The following TMEM254 variants were observed in gnomAD, a reference collection of about 807,000 sequenced individuals.
TMEM254 encodes the protein transmembrane protein 254, also known as transmembrane protein C10orf57.
Under a neutral mutation model 13.9 loss-of-function variants are expected in TMEM254, and 16 were observed. That is an observed-to-expected ratio of 1.15 (90% CI 0.78 to 1.75). The LOEUF (loss-of-function observed/expected upper bound fraction) is 1.75, where lower values mean the gene tolerates loss of function less well. Ranked by LOEUF, TMEM254 falls within the 40% of genes most tolerant of loss-of-function variation. The pLI is 0.00. For missense variants in TMEM254, 155 were observed against 149.0 expected, an observed-to-expected ratio of 1.04 and a Z score of -0.21; for synonymous variants, 61 against 56.4, an observed-to-expected ratio of 1.08 and a Z score of -0.36.
At chr10:80,079,084 G>C (rs1456528105) in intron 1 of TMEM254, 2 of 1,422,318 alleles carry the variant, frequency 1.4e-6, no homozygotes, top group Non-Finnish European at 9.4e-7. Context: ...TTTTTCAAGA[G>C]GATGGTGAAG....
At chr10:80,086,016 CAA>C (rs1844295915) in intron 3 of TMEM254, among the ~76,000 whole-genome samples, 1 of 152,020 alleles carries the variant, frequency 6.6e-6, no homozygotes. Flanking sequence ...AAGTTCTTGA[CAA>C]GTAGAAGTAC....
intron 3 of TMEM254, among the ~76,000 whole-genome samples, chr10:80,085,367 G>T (rs1844261710): frequency 1.3e-5 from 2 of 151,642 alleles, no homozygotes; most frequent in Admixed American, 6.6e-5. Context: ...CGAGACCAGC[G>T]TGCCCAACAT....
rs999406637 is a variant in TMEM254 at position 80,091,728 on chromosome 10, C to T, written c.*811C>T. ...TGTCCCACTATCTTGCACACAGGTG[C>T]TCTAACCATGTTTATTGAACAAAGG... is the stretch of plus-strand genomic sequence containing the variant. On this transcript the variant is annotated 3_prime_UTR_variant, in exon 4 of 4. Coordinates refer to ENST00000372281, the MANE Select transcript of TMEM254 (RefSeq NM_025125.4). The T allele has an allele frequency of 6.6e-6, 1 of 152,216 alleles. No homozygotes were observed. The highest frequency in any genetic ancestry group is 1.5e-5 in the Non-Finnish European group (1 of 68,036). The allele number at this position is 152,216 out of a possible 1,614,324, so 9.4% of individuals were successfully genotyped here.
intron 1 of TMEM254, chr10:80,079,194 G>T (rs1391965305): frequency 1.5e-6 from 2 of 1,292,674 alleles, no homozygotes; most frequent in Non-Finnish European, 2.0e-6. Flanking sequence ...GGTGAGGCGT[G>T]GGGTGGGGCG....
In TMEM254 at chr10:80,091,232, C is replaced by T. The variant is rs757517919; in HGVS notation, c.*315C>T. On this transcript the variant is annotated 3_prime_UTR_variant, in exon 4 of 4. Coordinates refer to ENST00000372281, the MANE Select transcript of TMEM254 (RefSeq NM_025125.4). ...CGTGTGCTCTGAGCTAAGCCACATA[C>T]TAAACTGACTTTTTGGTTTGTATAC... 2 of 193,632 alleles carry T rather than the reference C, an allele frequency of 1.0e-5. No homozygotes were observed. The highest frequency in any genetic ancestry group is 1.0e-5 in the Non-Finnish European group (1 of 95,818). The allele number at this position is 193,632 out of a possible 1,614,324, so 12.0% of individuals were successfully genotyped here. A position where few individuals can be genotyped will look rare whatever the true frequency, so the allele number is the denominator to read the frequency against.
chr10:80,081,059 G>A (rs1045736955), intron 1 of TMEM254, among the ~76,000 whole-genome samples: 4 of 151,814 alleles, frequency 2.6e-5, no homozygotes, highest in Admixed American at 6.6e-5. Flanking sequence ...CAGCCTAAGC[G>A]ACAGAGTGAA....
At chr10:80,084,961 G>T (rs1295372858) in intron 3 of TMEM254, among the ~76,000 whole-genome samples, 3 of 152,048 alleles carry the variant, frequency 2.0e-5, no homozygotes, top group African/African-American at 7.2e-5. Flanking sequence ...AAGTAGCTGA[G>T]ATTACAGGCG....
intron 1 of TMEM254, among the ~76,000 whole-genome samples, chr10:80,080,549 G>A (rs573379566): frequency 8.5e-5 from 13 of 152,298 alleles, no homozygotes; most frequent in African/African-American, 2.6e-4. Context: ...CAGAGGTTTG[G>A]CTGGAGCCAG....
In TMEM254 at chr10:80,090,892, A is replaced by C. The variant is rs751155205; in HGVS notation, c.347A>C (p.Lys116Thr). ...TCTCTCACCATCTTGATTGCTTACA[A>C]ACGGAAGCGCCAAAAACAAACTTGA... ...IASLTILIAY[K>T]RKRQKQT is the part of the protein sequence containing the mutation. The change falls in exon 4 of 4, where the codon AAA becomes ACA. Residue 116 changes from lysine (K) to threonine (T), a missense_variant. Coordinates refer to ENST00000372281, the MANE Select transcript of TMEM254 (RefSeq NM_025125.4). The C allele has an allele frequency of 9.9e-6, 16 of 1,613,998 alleles. No homozygotes were observed. Among genetic ancestry groups the C allele is most frequent in the Non-Finnish European group, 1.4e-5 (16 of 1,179,944 alleles).
intron 1 of TMEM254, among the ~76,000 whole-genome samples, chr10:80,080,899 G>T (rs1190961925): frequency 6.6e-6 from 1 of 152,122 alleles, no homozygotes. Context: ...GGCCAACATG[G>T]TGAAACTCTG....
rs950509847 is a variant in TMEM254 at position 80,091,035 on chromosome 10, A to G, written c.*118A>G. The G allele has an allele frequency of 1.5e-6, 2 of 1,341,666 alleles. No individual in the cohort carries two copies. Among genetic ancestry groups the G allele is most frequent in the African/African-American group, 1.5e-5 (1 of 67,952 alleles). 83.1% of individuals were successfully genotyped at this position (1,341,666 alleles called of 1,614,324 possible). ...TCTACTTTCTAGAAACTGTCCTTCAAAGCTCTTTAAGACCCCCTCGTTAGT... is the reference window on the plus strand; with the variant it reads ...TCTACTTTCTAGAAACTGTCCTTCAGAGCTCTTTAAGACCCCCTCGTTAGT... On this transcript the variant is annotated 3_prime_UTR_variant, in exon 4 of 4. Coordinates refer to ENST00000372281, the MANE Select transcript of TMEM254 (RefSeq NM_025125.4).
chr10:80,090,973 G>A lies in TMEM254; in HGVS notation c.*56G>A, dbSNP rs1002521404. On this transcript the variant is annotated 3_prime_UTR_variant, in exon 4 of 4. Coordinates refer to ENST00000372281, the MANE Select transcript of TMEM254 (RefSeq NM_025125.4). ...CATTCATCCTCACCCTTTTTTTTGTGGGGTAGAGGAGGTGCAGTAATTTAC... is the reference window on the plus strand; with the variant it reads ...CATTCATCCTCACCCTTTTTTTTGTAGGGTAGAGGAGGTGCAGTAATTTAC... 5 of 1,591,576 alleles carry A rather than the reference G, an allele frequency of 3.1e-6. No individual in the cohort carries two copies. In the Admixed American group the frequency reaches 7.2e-5, roughly 23 times the overall value.
chr10:80,086,707 G>A (rs1844332940), intron 3 of TMEM254, among the ~76,000 whole-genome samples: 1 of 151,852 alleles, frequency 6.6e-6, no homozygotes, highest in African/African-American at 2.4e-5. Context: ...CGGGCATGGT[G>A]GCGGGCACCT....
chr10:80,079,045 G>A (rs1257690008), intron 1 of TMEM254: 11 of 1,496,746 alleles, frequency 7.3e-6, no homozygotes, highest in Middle Eastern at 1.7e-4. Context: ...GGGACGGCTG[G>A]GGAGCTCCCA....
At chr10:80,087,111 A>G (rs893542751) in intron 3 of TMEM254, among the ~76,000 whole-genome samples, 2 of 152,140 alleles carry the variant, frequency 1.3e-5, no homozygotes, top group East Asian at 1.9e-4. Flanking sequence ...ACATATCCCT[A>G]TTTGTCTATG....
chr10:80,084,399 T>C (rs759315094), intron 3 of TMEM254, among the ~76,000 whole-genome samples: 3 of 152,196 alleles, frequency 2.0e-5, no homozygotes, highest in Non-Finnish European at 2.9e-5. Flanking sequence ...AACCTACTCA[T>C]GTTCAGTGCC....
rs115480834 is a variant in TMEM254 at position 80,079,935 on chromosome 10, G to A, written c.87+1149G>A. On this transcript the variant is annotated intron_variant, in intron 1 of 3. Coordinates refer to ENST00000372281, the MANE Select transcript of TMEM254 (RefSeq NM_025125.4). ...AACTCCTAACGTCAAGTGATAAGGT[G>A]GTAAAATTTTGAAGGAAGGCGAAGC... 9.1e-3 allele frequency among the ~76,000 whole-genome samples: 1,384 copies of A among 152,268 alleles called. 22 individuals are homozygous for A. Among genetic ancestry groups the A allele is most frequent in the African/African-American group, 0.032 (1,336 of 41,536 alleles).
At chr10:80,081,709 C>T (rs1844036269) in intron 1 of TMEM254, 132 bp from the exon 2 acceptor site, 2 of 1,606,970 alleles carry the variant, frequency 1.2e-6, no homozygotes, top group South Asian at 2.2e-5. Flanking sequence ...GAATGGAGAC[C>T]CAAATGACTG....
At chr10:80,089,605 G>A (rs763132166) in intron 3 of TMEM254, among the ~76,000 whole-genome samples, 1 of 152,156 alleles carries the variant, frequency 6.6e-6, no homozygotes, top group Non-Finnish European at 1.5e-5. Context: ...TTTAGCCCAG[G>A]AGTTTGAGGC....
Sources: gnomAD v4.1 joint callset for allele counts (sites outside exome capture counted in the v4.1 genomes callset) on GRCh38, gnomAD v4.1.1 for gene constraint, MANE v1.5 for transcripts, NCBI Gene and HGNC (gene_info 2026-07-23, HGNC 2026-07-21) for gene names.